Variants in RASSF5 observed in about 807,000 individuals in gnomAD.
RASSF5 encodes the protein ras association domain-containing protein 5.
A neutral mutation model predicts 40.5 loss-of-function variants in RASSF5; 25 were observed. That is an observed-to-expected ratio of 0.62 (90% CI 0.45 to 0.86). The LOEUF is 0.86. Ranked by LOEUF, RASSF5 falls within the 40% of genes least tolerant of loss-of-function variation. RASSF5 has a pLI of 0.00. For synonymous variants in RASSF5, 246 were observed against 252.4 expected, an observed-to-expected ratio of 0.97 and a Z score of 0.24; for missense variants, 521 against 572.8, an observed-to-expected ratio of 0.91 and a Z score of 0.92.
chr1:206,558,193 G>C (rs1553402066), intron 2 of RASSF5, among the ~76,000 whole-genome samples: 1 of 152,250 alleles, frequency 6.6e-6, no homozygotes, highest in East Asian at 1.9e-4. Context: ...GAAGTCCAGG[G>C]TGTTTTTAGA....
At chr1:206,549,086 G>A (rs541745379) in intron 2 of RASSF5, among the ~76,000 whole-genome samples, 11 of 148,314 alleles carry the variant, frequency 7.4e-5, no homozygotes, top group Admixed American at 1.4e-4. Flanking sequence ...GGCTGGTCTC[G>A]AACTCCTGAC....
At chr1:206,514,582 G>A (rs1211140874) in intron 1 of RASSF5, among the ~76,000 whole-genome samples, 1 of 152,182 alleles carries the variant, frequency 6.6e-6, no homozygotes, top group Non-Finnish European at 1.5e-5. Flanking sequence ...GGTGGGGCAG[G>A]TCTTATTTAG....
intron 2 of RASSF5, among the ~76,000 whole-genome samples, chr1:206,576,815 T>C (rs2103559909): frequency 6.6e-6 from 1 of 152,260 alleles, no homozygotes; most frequent in Middle Eastern, 3.4e-3. Flanking sequence ...GTTTGTTTTG[T>C]TTTTGAGACA....
Position 206,560,231 on chromosome 1 carries a change from G to A in RASSF5, c.579+21938G>A, listed in dbSNP as rs1400732096. 2.0e-5 allele frequency among the ~76,000 whole-genome samples: 3 copies of A among 152,228 alleles called. No individual in the cohort carries two copies. Among genetic ancestry groups the A allele is most frequent in the Non-Finnish European group, 2.9e-5 (2 of 68,044 alleles). ...ATAGCCTTGTCAGAACAACCTGTGT[G>A]GCTGCTCAGTTTGTGCCTGGCTAGA... is the stretch of plus-strand genomic sequence containing the variant. On this transcript the variant is annotated intron_variant, in intron 2 of 5. Coordinates refer to ENST00000579436, the MANE Select transcript of RASSF5 (RefSeq NM_182663.4). The surrounding 1 kb of genome is among the most constrained non-coding windows in gnomAD (Gnocchi z 5.1).
chr1:206,536,955 G>A (rs1667431005), intron 1 of RASSF5, among the ~76,000 whole-genome samples: 1 of 152,164 alleles, frequency 6.6e-6, no homozygotes, highest in South Asian at 2.1e-4. Context: ...CCTCAGATCC[G>A]AGCATTTTCC....
At chr1:206,558,654 G>T (rs1443722402) in intron 2 of RASSF5, among the ~76,000 whole-genome samples, 1 of 152,196 alleles carries the variant, frequency 6.6e-6, no homozygotes, top group Non-Finnish European at 1.5e-5. Context: ...CATCTTGCCT[G>T]TAGGCTCTGC....
At chr1:206,530,260 A>G (rs937711059) in intron 1 of RASSF5, among the ~76,000 whole-genome samples, 2 of 152,252 alleles carry the variant, frequency 1.3e-5, no homozygotes, top group Non-Finnish European at 2.9e-5. Flanking sequence ...TAGATTTTAT[A>G]TCATTGAAAT....
intron 2 of RASSF5, among the ~76,000 whole-genome samples, chr1:206,568,246 A>C (rs551575020): frequency 4.7e-4 from 72 of 152,208 alleles, no homozygotes; most frequent in Non-Finnish European, 7.5e-4. Context: ...AGCTAAGTGG[A>C]TATGTTTCAG....
intron 2 of RASSF5, chr1:206,580,976 A>T (rs1243143058): frequency 6.6e-6 from 1 of 152,236 alleles, no homozygotes; most frequent in African/African-American, 2.4e-5. Context: ...CCCGCAGCAC[A>T]GAGTTTCAGT....
chr1:206,562,348 G>A (rs781920644), intron 2 of RASSF5, among the ~76,000 whole-genome samples: 9 of 152,246 alleles, frequency 5.9e-5, no homozygotes, highest in Non-Finnish European at 8.8e-5. Flanking sequence ...CTAAAAATAA[G>A]TTAGCTCCAA....
intron 2 of RASSF5, chr1:206,557,437 C>T: frequency 7.0e-7 from 1 of 1,427,874 alleles, no homozygotes; most frequent in Non-Finnish European, 9.1e-7. Context: ...CGCTACCCGA[C>T]CAGCTCCCGG....
intron 2 of RASSF5, 144 bp from the exon 3 acceptor site, chr1:206,583,125 C>T: frequency 1.7e-6 from 1 of 602,864 alleles, no homozygotes; most frequent in East Asian, 2.9e-5. Context: ...CTCATTGTCT[C>T]ACTCCGAGTC....
intron 2 of RASSF5, among the ~76,000 whole-genome samples, chr1:206,561,948 G>T (rs1668160088): frequency 1.3e-5 from 2 of 151,872 alleles, no homozygotes; most frequent in South Asian, 4.1e-4. Context: ...GATTACAGGA[G>T]TGAGCCACCG....
chr1:206,521,289 A>G (rs1666898750), intron 1 of RASSF5, among the ~76,000 whole-genome samples: 1 of 152,210 alleles, frequency 6.6e-6, no homozygotes, highest in Non-Finnish European at 1.5e-5. Flanking sequence ...GTCCTCTGAC[A>G]TAATCTATTT....
At chr1:206,571,332 T>G (rs1184763206) in intron 2 of RASSF5, 2 of 151,902 alleles carry the variant, frequency 1.3e-5, no homozygotes, top group Non-Finnish European at 2.9e-5. Context: ...TATCAATCCC[T>G]TATGGCATAT....
At position 206,529,336 on chromosome 1, in the gene RASSF5, C is replaced by T. The variant is rs144107106; in HGVS notation, c.458-8836C>T. ...CTTCGAGCAGGAGTTAACACCATCA[C>T]CACTTTGGTGGAGAATAAGAAAGCT... is the stretch of plus-strand genomic sequence containing the variant. On this transcript the variant is annotated intron_variant, in intron 1 of 5. Coordinates refer to ENST00000579436, the MANE Select transcript of RASSF5 (RefSeq NM_182663.4). 8.2e-4 allele frequency: 633 copies of T among 769,320 alleles called. 1 individual carries two copies. In the African/African-American group the frequency reaches 9.9e-3, roughly 12 times the overall value. The allele number at this position is 769,320 out of a possible 1,614,324, so 47.7% of individuals were successfully genotyped here. A position where few individuals can be genotyped will look rare whatever the true frequency, so the allele number is the denominator to read the frequency against.
intron 2 of RASSF5, among the ~76,000 whole-genome samples, chr1:206,574,399 C>T (rs148927552): frequency 1.1e-4 from 16 of 152,352 alleles, no homozygotes; most frequent in African/African-American, 2.9e-4. Flanking sequence ...GTGCCTTTCA[C>T]GATCCTCACC....
At chr1:206,575,911 G>A (rs1553405119) in intron 2 of RASSF5, among the ~76,000 whole-genome samples, 1 of 152,242 alleles carries the variant, frequency 6.6e-6, no homozygotes, top group Non-Finnish European at 1.5e-5. Context: ...CCCTCAGGGT[G>A]CAGCTGAGTG....
intron 2 of RASSF5, among the ~76,000 whole-genome samples, chr1:206,581,343 A>G (rs1413024761): frequency 2.6e-5 from 4 of 152,168 alleles, no homozygotes; most frequent in African/African-American, 9.7e-5. Flanking sequence ...CACACCTGTA[A>G]TGCCAGCACT....
Sources: gnomAD v4.1 joint callset for allele counts (sites outside exome capture counted in the v4.1 genomes callset) on GRCh38, gnomAD v4.1.1 for gene constraint, Gnocchi (gnomAD v3.1) non-coding constraint, MANE v1.5 for transcripts, NCBI Gene and HGNC (gene_info 2026-07-23, HGNC 2026-07-21) for gene names.